Variants in RUNX3 observed in about 807,000 individuals in gnomAD.
RUNX3 encodes RUNX family transcription factor 3, also known as runt-related transcription factor 3.
In RUNX3, 10 loss-of-function variants were observed where a neutral mutation model predicts 27.7. That is an observed-to-expected ratio of 0.36 (90% CI 0.22 to 0.61). RUNX3 has a LOEUF of 0.61. Among genes scored for constraint, RUNX3 ranks in the 20% least tolerant of loss-of-function variants. RUNX3 has a pLI of 0.72. For synonymous variants in RUNX3, 270 were observed against 269.2 expected (o/e 1.00, Z -0.03); for missense variants, 469 against 629.5 (o/e 0.75, Z 2.73).
At chr1:24,942,293 G>T (rs930543938) in intron 2 of RUNX3, among the ~76,000 whole-genome samples, 9 of 152,220 alleles carry the variant, frequency 5.9e-5, no homozygotes, top group Admixed American at 1.3e-4. Flanking sequence ...TATTTTAGGT[G>T]CTGGGGATAC....
chr1:24,909,336 T>C (rs1261337889), intron 3 of RUNX3, among the ~76,000 whole-genome samples: 1 of 152,362 alleles, frequency 6.6e-6, no homozygotes, highest in Non-Finnish European at 1.5e-5. Flanking sequence ...GACCAGTTTC[T>C]TTCCAGACAT....
At chr1:24,934,226 A>G (rs1641295572), upstream of RUNX3, among the ~76,000 whole-genome samples, 2 of 152,324 alleles carry the variant, frequency 1.3e-5, no homozygotes, top group East Asian at 3.9e-4. Flanking sequence ...AAAAATGGCA[A>G]TATATCTGGG....
upstream of RUNX3, among the ~76,000 whole-genome samples, chr1:24,931,561 C>T (rs977301865): frequency 4.6e-5 from 7 of 152,202 alleles, no homozygotes; most frequent in Middle Eastern, 3.2e-3. Context: ...GCTTTGGAGA[C>T]GGGGCTAGAT....
Position 24,929,919 on chromosome 1 carries a change from G to C in RUNX3, c.-51C>G, listed in dbSNP as rs1421640822. ...AGGCGGAGACGGCGCGGCTTCCCCC[G>C]GGGGCGGCCGGCGCGGGCGCCTCCT... On this transcript the variant is annotated 5_prime_UTR_variant, in exon 1 of 5. Transcript: ENST00000308873. 19 of 1,228,844 alleles carry C rather than the reference G, an allele frequency of 1.5e-5. No individual in the cohort carries two copies. The East Asian group carries it at 1.7e-4, about 11-fold the overall frequency. The allele number at this position is 1,228,844 out of a possible 1,614,324, so 76.1% of individuals were successfully genotyped here.
chr1:24,958,905 T>C (rs1209270899), intron 2 of RUNX3, among the ~76,000 whole-genome samples: 1 of 152,072 alleles, frequency 6.6e-6, no homozygotes, highest in African/African-American at 2.4e-5. Context: ...GGTGGCAGAT[T>C]TGAGGAAGAG....
upstream of RUNX3, among the ~76,000 whole-genome samples, chr1:24,932,389 A>C (rs1290981526): frequency 4.6e-5 from 7 of 151,998 alleles, no homozygotes; most frequent in South Asian, 2.1e-4. Flanking sequence ...GCCGCCTGGC[A>C]GGCACAGTGG....
chr1:24,959,338 T>G (rs951690681), intron 2 of RUNX3, among the ~76,000 whole-genome samples: 1 of 152,098 alleles, frequency 6.6e-6, no homozygotes, highest in African/African-American at 2.4e-5. Context: ...CTAGGAATGC[T>G]TTTCCAGCCT....
chr1:24,930,058 G>T lies in RUNX3; in HGVS notation c.-190C>A, dbSNP rs974202616. ...CAGGGCCCGCCCGCTGCGAGGCCTC[G>T]CTGGCCCGACGGCCGCCCGCAGCCT... On this transcript the variant is annotated 5_prime_UTR_variant, in exon 1 of 5. Transcript: ENST00000308873. This position sits in a 1 kb window ranked among gnomAD's most constrained non-coding sequence, Gnocchi z 4.1. 11 of 980,452 alleles carry T rather than the reference G, an allele frequency of 1.1e-5. No individual in the cohort carries two copies. The highest frequency in any genetic ancestry group is 1.8e-5 in the African/African-American group (1 of 56,678). The allele number at this position is 980,452 out of a possible 1,614,324, so 60.7% of individuals were successfully genotyped here.
chr1:24,902,000 T>C lies in RUNX3; in HGVS notation c.*122A>G. 1.1e-6 allele frequency: 1 copy of C among 940,022 alleles called. No homozygotes were observed. The highest frequency in any genetic ancestry group is 1.7e-5 in the South Asian group (1 of 57,148). The allele number at this position is 940,022 out of a possible 1,614,324, so 58.2% of individuals were successfully genotyped here. A position where few individuals can be genotyped will look rare whatever the true frequency, so the allele number is the denominator to read the frequency against. ...AGGCTCCCACCAGCTGGGACCACCCTGGGACCGAGACCACCCTGGAGCGCA... is the reference window on the plus strand; with the variant it reads ...AGGCTCCCACCAGCTGGGACCACCCCGGGACCGAGACCACCCTGGAGCGCA... On this transcript the variant is annotated 3_prime_UTR_variant, in exon 5 of 5. Coordinates refer to ENST00000308873, the MANE Select transcript of RUNX3 (RefSeq NM_004350.3).
At chr1:24,948,201 C>T (rs1452182462) in intron 2 of RUNX3, among the ~76,000 whole-genome samples, 1 of 152,206 alleles carries the variant, frequency 6.6e-6, no homozygotes, top group African/African-American at 2.4e-5. Context: ...ATAAGAAGAG[C>T]AGCGTGGGTA....
chr1:24,949,182 G>A (rs1034284431), intron 2 of RUNX3, among the ~76,000 whole-genome samples: 5 of 151,968 alleles, frequency 3.3e-5, no homozygotes, highest in African/African-American at 1.2e-4. Context: ...GTTTGTCTTA[G>A]TGAATTCTCT....
intron 2 of RUNX3, among the ~76,000 whole-genome samples, chr1:24,953,343 G>A (rs1419234519): frequency 1.8e-5 from 2 of 114,212 alleles, no homozygotes; most frequent in East Asian, 3.0e-4. Flanking sequence ...CAGCCTGGGC[G>A]ACAGAGCCAG....
chr1:24,902,329 G>C lies in RUNX3; in HGVS notation c.1041C>G (p.Ala347=), dbSNP rs1020269964. 1 of 1,610,324 alleles carries C rather than the reference G, an allele frequency of 6.2e-7. No individual in the cohort carries two copies. The highest frequency in any genetic ancestry group is 8.5e-7 in the Non-Finnish European group (1 of 1,179,456). The change falls in exon 5 of 5, where the codon GCC becomes GCG. Residue 347 remains alanine (A), a synonymous_variant. Transcript: ENST00000308873. The surrounding 1 kb of genome is among the most constrained non-coding windows in gnomAD (Gnocchi z 9.2). ...AGCGGTCGCCCCCACTGCTGCTGCC[G>C]GCCACCATGGAGAACTGGTAGGAGC... ...SSGSYQFSMV[A]GSSSGGDRSP... is the part of the protein sequence containing the mutation.
chr1:24,915,959 G>A (rs911439367), intron 3 of RUNX3, among the ~76,000 whole-genome samples: 3 of 152,104 alleles, frequency 2.0e-5, no homozygotes, highest in Admixed American at 6.5e-5. Flanking sequence ...CTCAGAAACC[G>A]AGGCCACACA....
intron 2 of RUNX3, among the ~76,000 whole-genome samples, chr1:24,958,481 T>TATGCTCCTGGAC (rs1642008552): frequency 6.6e-6 from 1 of 152,202 alleles, no homozygotes; most frequent in Non-Finnish European, 1.5e-5. Context: ...CGGGCTCTGA[T>TATGCTCCTGGAC]ATGCTCCTGG....
chr1:24,920,212 T>A (rs1324592002), intron 2 of RUNX3, among the ~76,000 whole-genome samples: 1 of 150,114 alleles, frequency 6.7e-6, no homozygotes, highest in Admixed American at 6.6e-5. Context: ...TTTAAAATAC[T>A]ACTTTTTTTT....
At chr1:24,929,248 C>T in intron 1 of RUNX3, 1 of 563,160 alleles carries the variant, frequency 1.8e-6, no homozygotes, top group Middle Eastern at 2.7e-4. Context: ...GTCCCGGGAT[C>T]CTCTTCTCCG....
rs1641119125 is a variant in RUNX3 at position 24,927,388 on chromosome 1, G to T, written c.439+186C>A. Among the ~76,000 whole-genome samples, 1 of 152,218 alleles carries T rather than the reference G, an allele frequency of 6.6e-6. No individual in the cohort carries two copies. The highest frequency in any genetic ancestry group is 1.5e-5 in the Non-Finnish European group (1 of 68,044). The stretch of plus-strand genomic sequence containing the variant: ...AGAAAATTGTCTTTTTCTGGCAAGA[G>T]ACCATAACTTTCCTCACCTCCTCAA... On this transcript the variant is annotated intron_variant, in intron 2 of 4. Coordinates refer to ENST00000308873, the MANE Select transcript of RUNX3 (RefSeq NM_004350.3). This position sits in a 1 kb window ranked among gnomAD's most constrained non-coding sequence, Gnocchi z 5.0.
chr1:24,943,087 C>T lies in RUNX3; in HGVS notation c.59-13235G>A, dbSNP rs1056946990. Among the ~76,000 whole-genome samples, 4 of 152,364 alleles carry T rather than the reference C, an allele frequency of 2.6e-5. No homozygotes were observed. The highest frequency in any genetic ancestry group is 4.1e-4 in the South Asian group (2 of 4,834). ...AAGGTGGCAGCACCGGGAGCCGAGC[C>T]GGGTGTCATTGATCTTGCCCGGTGT... On this transcript the variant is annotated intron_variant, in intron 2 of 6. Transcript: ENST00000338888. This position sits in a 1 kb window ranked among gnomAD's most constrained non-coding sequence, Gnocchi z 4.6.
Sources: allele counts gnomAD v4.1 joint callset (sites outside exome capture counted in the v4.1 genomes callset), GRCh38; gene constraint gnomAD v4.1.1; non-coding constraint Gnocchi (gnomAD v3.1); transcripts MANE v1.5; gene names NCBI Gene and HGNC (gene_info 2026-07-23, HGNC 2026-07-21).